The following TLK1 variants were observed in gnomAD, a reference collection of about 807,000 sequenced individuals.
TLK1 encodes tousled like kinase 1, also known as serine/threonine-protein kinase tousled-like 1.
A neutral mutation model predicts 105.3 loss-of-function variants in TLK1; 24 were observed. The observed-to-expected ratio is 0.23, with a 90% CI of 0.17 to 0.32. The LOEUF is 0.32. TLK1 is among the 10% of genes least tolerant of loss of function. The pLI is 1.00. For missense variants in TLK1, 558 were observed against 910.5 expected, an observed-to-expected ratio of 0.61 and a Z score of 4.98; for synonymous variants, 321 against 310.4, an observed-to-expected ratio of 1.03 and a Z score of -0.36.
intron 1 of TLK1, among the ~76,000 whole-genome samples, chr2:171,126,241 C>G (rs1690861455): frequency 6.6e-6 from 1 of 152,072 alleles, no homozygotes; most frequent in Admixed American, 6.5e-5. Flanking sequence ...AATTAGAGAT[C>G]AATCACATTC....
chr2:171,009,198 T>C (rs774442058), intron 14 of TLK1, among the ~76,000 whole-genome samples: 2 of 151,886 alleles, frequency 1.3e-5, no homozygotes, highest in Non-Finnish European at 2.9e-5. Context: ...GAACTGAAGT[T>C]CTCTTAACTC....
At chr2:171,207,977 T>C (rs1693537795) in intron 1 of TLK1, among the ~76,000 whole-genome samples, 1 of 152,178 alleles carries the variant, frequency 6.6e-6, no homozygotes, top group Non-Finnish European at 1.5e-5. Flanking sequence ...TCTGCCTGCC[T>C]CAGCCTCCCA....
At chr2:171,059,766 G>C (rs755103932) in intron 4 of TLK1, among the ~76,000 whole-genome samples, 1 of 152,178 alleles carries the variant, frequency 6.6e-6, no homozygotes, top group Admixed American at 6.6e-5. Context: ...TTCCACCTCA[G>C]ATCATCAGGC....
At chr2:171,072,983 T>C (rs1490735055) in intron 3 of TLK1, among the ~76,000 whole-genome samples, 2 of 152,134 alleles carry the variant, frequency 1.3e-5, no homozygotes, top group South Asian at 2.1e-4. Flanking sequence ...TTTATAGCTA[T>C]TGCAAATGGG....
At chr2:171,015,551 G>A (rs1685139878) in intron 12 of TLK1, among the ~76,000 whole-genome samples, 1 of 151,364 alleles carries the variant, frequency 6.6e-6, no homozygotes, top group Non-Finnish European at 1.5e-5. Flanking sequence ...CAGAGCAGAT[G>A]TAAATAAATC....
intron 11 of TLK1, among the ~76,000 whole-genome samples, chr2:171,035,509 G>A (rs1021139696): frequency 3.9e-5 from 6 of 152,104 alleles, no homozygotes; most frequent in Admixed American, 6.5e-5. Context: ...GCCCAGTCTC[G>A]GGTATGTCTT....
intron 11 of TLK1, among the ~76,000 whole-genome samples, chr2:171,039,395 A>G (rs1686540945): frequency 6.6e-6 from 1 of 152,048 alleles, no homozygotes; most frequent in Admixed American, 6.5e-5. Flanking sequence ...CCCCTCAAGT[A>G]GCTGGGAGTA....
intron 1 of TLK1, among the ~76,000 whole-genome samples, chr2:171,201,085 T>C (rs1420105536): frequency 2.6e-5 from 4 of 152,058 alleles, no homozygotes; most frequent in Non-Finnish European, 5.9e-5. Flanking sequence ...GGTTTTACCA[T>C]GTTAGCCAGG....
intron 2 of TLK1, among the ~76,000 whole-genome samples, chr2:171,114,175 C>CTA (rs1690306071): frequency 6.6e-6 from 1 of 151,940 alleles, no homozygotes; most frequent in Non-Finnish European, 1.5e-5. Flanking sequence ...TTATTCCCAA[C>CTA]TATACTAAAA....
chr2:171,190,300 G>A (rs1406989441), intron 1 of TLK1, among the ~76,000 whole-genome samples: 9 of 152,138 alleles, frequency 5.9e-5, no homozygotes, highest in Non-Finnish European at 1.2e-4. Context: ...GAAAACTCCT[G>A]CTGCCCATGG....
chr2:171,046,332 T>C lies in TLK1; in HGVS notation c.1011A>G (p.Glu337=). 3 of 1,610,670 alleles carry C rather than the reference T, an allele frequency of 1.9e-6. No individual in the cohort carries two copies. The highest frequency in any genetic ancestry group is 1.3e-5 in the African/African-American group (1 of 74,876). ...GAAGTTTCCTTTGCCTTTCAATATC[T>C]TCCCTTTGCTGATTCACCCATTCTT... ...KQQEWVNQQR[E]DIERQRKLLA... The change falls in exon 11 of 21, where the codon GAA becomes GAG. Residue 337 remains glutamate (E), a synonymous_variant. Coordinates refer to ENST00000431350, the MANE Select transcript of TLK1 (RefSeq NM_012290.5).
chr2:171,160,481 C>T lies in TLK1; in HGVS notation c.-53G>A. 6.4e-7 allele frequency: 1 copy of T among 1,567,764 alleles called. No individual in the cohort carries two copies. The highest frequency in any genetic ancestry group is 1.9e-5 in the Admixed American group (1 of 52,540). On this transcript the variant is annotated 5_prime_UTR_variant, in exon 1 of 21. Transcript: ENST00000431350. This position sits in a 1 kb window ranked among gnomAD's most constrained non-coding sequence, Gnocchi z 4.4. Reference sequence around the variant, plus strand: ...CCCCCTGCGACGGCAGCGGCGGCAACGGCACCGGCACCCGCCTCCGTCATG... The same window carrying T: ...CCCCCTGCGACGGCAGCGGCGGCAATGGCACCGGCACCCGCCTCCGTCATG...
chr2:171,138,480 T>C (rs1691432931), intron 1 of TLK1, among the ~76,000 whole-genome samples: 1 of 152,122 alleles, frequency 6.6e-6, no homozygotes, highest in Non-Finnish European at 1.5e-5. Flanking sequence ...ACGTAATCCC[T>C]CTTAAAAATC....
chr2:171,024,371 A>G (rs560882070), intron 12 of TLK1, among the ~76,000 whole-genome samples: 74 of 152,308 alleles, frequency 4.9e-4, no homozygotes, highest in Middle Eastern at 3.4e-3. Context: ...TTCAACAGTC[A>G]CTAACATAAT....
chr2:171,181,812 T>C (rs1575649159), intron 1 of TLK1, among the ~76,000 whole-genome samples: 1 of 152,148 alleles, frequency 6.6e-6, no homozygotes. Context: ...CAAATTTCAA[T>C]GTGAGATTCG....
intron 18 of TLK1, among the ~76,000 whole-genome samples, chr2:171,000,965 T>C (rs1260511739): frequency 6.6e-6 from 1 of 152,182 alleles, no homozygotes; most frequent in Non-Finnish European, 1.5e-5. Flanking sequence ...GGGGTGTCTT[T>C]TAGCTCTTGA....
intron 1 of TLK1, among the ~76,000 whole-genome samples, chr2:171,194,539 T>A (rs188591669): frequency 6.6e-6 from 1 of 152,026 alleles, no homozygotes; most frequent in African/African-American, 2.4e-5. Context: ...CACTGTGGGC[T>A]GGGCGCGGTG....
intron 1 of TLK1, among the ~76,000 whole-genome samples, chr2:171,203,827 A>T (rs1442930511): frequency 6.6e-6 from 1 of 152,166 alleles, no homozygotes; most frequent in African/African-American, 2.4e-5. Flanking sequence ...TAGCTGGTGG[A>T]TCACCTGAGG....
At chr2:171,183,485 T>G (rs141617059) in intron 1 of TLK1, among the ~76,000 whole-genome samples, 1 of 152,308 alleles carries the variant, frequency 6.6e-6, no homozygotes, top group East Asian at 1.9e-4. Flanking sequence ...TGTTTTATCC[T>G]TTGTCTACTT....
Sources: allele counts gnomAD v4.1 joint callset (sites outside exome capture counted in the v4.1 genomes callset), GRCh38; gene constraint gnomAD v4.1.1; non-coding constraint Gnocchi (gnomAD v3.1); transcripts MANE v1.5; gene names NCBI Gene and HGNC (gene_info 2026-07-23, HGNC 2026-07-21).